Variants in SCN11A observed in about 807,000 individuals in gnomAD.
SCN11A encodes sodium channel protein type 11 subunit alpha.
SCN11A carries 122 observed loss-of-function variants against 162.2 expected under a neutral mutation model. The ratio of observed to expected loss-of-function variants is 0.75; its 90% CI spans 0.65 to 0.87. The LOEUF (loss-of-function observed/expected upper bound fraction) is 0.87, where lower values mean the gene tolerates loss of function less well. SCN11A is among the 40% of genes least tolerant of loss of function. The probability of loss-of-function intolerance (pLI) is 0.00; values close to 1 mark genes in which losing one functional copy is unlikely to be tolerated. For missense variants in SCN11A, 2,015 were observed against 2,181.6 expected (o/e 0.92, Z 1.52); for synonymous variants, 758 against 751.5 (o/e 1.01, Z -0.14).
At chr3:38,936,596 A>T (rs1031659276) in intron 7 of SCN11A, among the ~76,000 whole-genome samples, 1 of 150,942 alleles carries the variant, frequency 6.6e-6, no homozygotes, top group Non-Finnish European at 1.5e-5. Context: ...CAGAGAGCCA[A>T]ATCATGAGTG....
chr3:38,870,793 T>C (rs2065113743), intron 25 of SCN11A, 49 bp from the exon 26 acceptor site: 1 of 1,530,514 alleles, frequency 6.5e-7, no homozygotes, highest in Non-Finnish European at 9.1e-7. Flanking sequence ...AGACTTGCCA[T>C]CAACAGATAC....
chr3:38,927,925 C>T (rs2066170180), intron 7 of SCN11A, among the ~76,000 whole-genome samples: 1 of 152,096 alleles, frequency 6.6e-6, no homozygotes, highest in Non-Finnish European at 1.5e-5. Context: ...CAAGGTGGTA[C>T]TAGCATAAAG....
rs371438698 is a variant in SCN11A at position 38,903,921 on chromosome 3, T to C, written c.1786A>G (p.Met596Val). ...CTGGCCTCCATCTTGTGATGCTCCA[T>C]GGCCAAGAAGACAGTGTTGATGATG... ...CIIINTVFLAMEHHKMEASFE... is the reference protein window; with the variant it reads ...CIIINTVFLAVEHHKMEASFE... Residue 596 changes from methionine to valine, a missense_variant, in exon 16 of 30, where the codon ATG becomes GTG. By Grantham distance (21) the Met-to-Val change is conservative. Transcript: ENST00000302328. 1.2e-6 allele frequency: 2 copies of C among 1,613,884 alleles called. No homozygotes were observed. Among genetic ancestry groups the C allele is most frequent in the South Asian group, 1.1e-5 (1 of 91,036 alleles).
In SCN11A at chr3:38,885,291, T is replaced by C. The variant is rs1306874235; in HGVS notation, c.3061A>G (p.Lys1021Glu). ...PKKQPERCLP[K>E]GFGCCFPCCS... ...ATGCAGAAATACTGCCACTTACCTT[T>C]GGGCAAACATCTCTCTGGTTGCTTT... Residue 1021 changes from lysine (K) to glutamate (E), a missense_variant, in exon 21 of 30, where the codon AAA becomes GAA. Physicochemically the swap from Lys to Glu is moderately conservative, Grantham distance 56 (BLOSUM62 1). Coordinates refer to ENST00000302328, the MANE Select transcript of SCN11A (RefSeq NM_001349253.2). 6.3e-7 allele frequency: 1 copy of C among 1,586,580 alleles called. No homozygotes were observed. Among genetic ancestry groups the C allele is most frequent in the African/African-American group, 1.3e-5 (1 of 74,360 alleles).
intron 5 of SCN11A, among the ~76,000 whole-genome samples, chr3:38,949,715 G>T (rs2066572113): frequency 6.6e-6 from 1 of 152,154 alleles, no homozygotes; most frequent in Non-Finnish European, 1.5e-5. Flanking sequence ...CTATTATACA[G>T]ATTTTAAAAG....
intron 12 of SCN11A, 145 bp from the exon 13 acceptor site, chr3:38,909,339 C>G (rs529594403): frequency 1.5e-6 from 1 of 655,822 alleles, no homozygotes; most frequent in East Asian, 2.7e-5. Context: ...CATATAGCTT[C>G]CCTAATACTC....
intron 1 of SCN11A, among the ~76,000 whole-genome samples, chr3:39,044,132 A>G (rs1367663381): frequency 6.6e-6 from 1 of 152,222 alleles, no homozygotes; most frequent in Non-Finnish European, 1.5e-5. Context: ...AAAGGGATCA[A>G]TTCAGTAAAA....
At chr3:38,990,830 A>G (rs185232567) in intron 2 of SCN11A, among the ~76,000 whole-genome samples, 128 of 152,280 alleles carry the variant, frequency 8.4e-4, no homozygotes, top group African/African-American at 3.0e-3. Flanking sequence ...GTGGAGCCAG[A>G]AAGTCTGACT....
chr3:38,931,739 G>A (rs1409725119), intron 7 of SCN11A, among the ~76,000 whole-genome samples: 1 of 152,164 alleles, frequency 6.6e-6, no homozygotes, highest in Non-Finnish European at 1.5e-5. Context: ...CTCCCCACCA[G>A]AGGTACAAAC....
chr3:38,885,916 C>T (rs2065389928), intron 20 of SCN11A, among the ~76,000 whole-genome samples: 1 of 152,188 alleles, frequency 6.6e-6, no homozygotes, highest in South Asian at 2.1e-4. Flanking sequence ...AAACATCTTA[C>T]AATTCACAGA....
Position 38,872,250 on chromosome 3 carries a change from G to C in SCN11A, c.3438C>G (p.Phe1146Leu). ...GAGGCCTCAGTGCTCGTAGAGTCCGGAAGGACTTCAATTCCATTAAGTTAA... is the reference window on the plus strand; with the variant it reads ...GAGGCCTCAGTGCTCGTAGAGTCCGCAAGGACTTCAATTCCATTAAGTTAA... ...TLINLMELKSFRTLRALRPLR... is the reference protein window; with the variant it reads ...TLINLMELKSLRTLRALRPLR... The change falls in exon 24 of 30, where the codon TTC becomes TTG. Residue 1146 changes from phenylalanine (F) to leucine (L), a missense_variant. Coordinates refer to ENST00000302328, the MANE Select transcript of SCN11A (RefSeq NM_001349253.2). The C allele has an allele frequency of 1.9e-6, 3 of 1,610,412 alleles. No individual in the cohort carries two copies. Among genetic ancestry groups the C allele is most frequent in the Non-Finnish European group, 2.5e-6 (3 of 1,176,826 alleles).
Position 38,950,131 on chromosome 3 carries a change from G to A in SCN11A, c.232C>T (p.Leu78=). ...CGGTAGAATGGGTCCAAGTCTTCCA[G>A]AGGCTTTCCTATGAGCTCACGAGGA... ...DIPRELIGKP[L]EDLDPFYRNH... is the part of the protein sequence containing the mutation. Residue 78 remains leucine (L), a synonymous_variant, in exon 5 of 30, where the codon CTG becomes TTG. Coordinates refer to ENST00000302328, the MANE Select transcript of SCN11A (RefSeq NM_001349253.2). 2 of 1,590,944 alleles carry A rather than the reference G, an allele frequency of 1.3e-6. No individual in the cohort carries two copies. The highest frequency in any genetic ancestry group is 1.1e-5 in the South Asian group (1 of 90,516).
At chr3:38,984,513 A>G (rs1251781939) in intron 2 of SCN11A, among the ~76,000 whole-genome samples, 2 of 147,556 alleles carry the variant, frequency 1.4e-5, no homozygotes, top group African/African-American at 2.6e-5. Flanking sequence ...ATTTGTGCTG[A>G]GCTTTTTTTT....
At position 38,846,180 on chromosome 3, in the gene SCN11A, C is replaced by A. The variant is rs2064658429; in HGVS notation, c.*514G>T. 6.4e-6 allele frequency: 1 copy of A among 155,108 alleles called. No homozygotes were observed. Among genetic ancestry groups the A allele is most frequent in the East Asian group, 1.9e-4 (1 of 5,272 alleles). The allele number at this position is 155,108 out of a possible 1,614,324, so 9.6% of individuals were successfully genotyped here. A position where few individuals can be genotyped will look rare whatever the true frequency, so the allele number is the denominator to read the frequency against. On this transcript the variant is annotated 3_prime_UTR_variant, in exon 30 of 30. Coordinates refer to ENST00000302328, the MANE Select transcript of SCN11A (RefSeq NM_001349253.2). ...CCAGGCTGGAGTGCAGTGGCACGAT[C>A]TTGGCTCACTGCAACCTCCGTCTCC... is the stretch of plus-strand genomic sequence containing the variant.
At chr3:38,850,825 A>G (rs954702930) in intron 28 of SCN11A, 74 bp from the exon 29 acceptor site, 1 of 1,279,940 alleles carries the variant, frequency 7.8e-7, no homozygotes, top group Non-Finnish European at 1.1e-6. Flanking sequence ...GAACATAAAT[A>G]CAACAGAATT....
chr3:39,036,039 T>C (rs17498617), intron 1 of SCN11A, among the ~76,000 whole-genome samples: 15,810 of 152,290 alleles, frequency 0.1, 1,047 homozygotes, highest in East Asian at 0.22. Flanking sequence ...GTCACCACAT[T>C]GATGCCAAAT....
At chr3:38,885,997 A>C (rs1422948154) in intron 20 of SCN11A, 128 bp downstream of exon 20, 14 of 604,422 alleles carry the variant, frequency 2.3e-5, no homozygotes, top group Non-Finnish European at 3.9e-5. Flanking sequence ...CCTGGCCTAG[A>C]CTTTTGCTCA....
At chr3:39,015,471 A>C (rs781076087) in intron 2 of SCN11A, among the ~76,000 whole-genome samples, 1 of 152,228 alleles carries the variant, frequency 6.6e-6, no homozygotes, top group Non-Finnish European at 1.5e-5. Context: ...CCATAGGATG[A>C]TCATCTTGAA....
chr3:39,001,454 T>C (rs544331623), intron 2 of SCN11A, among the ~76,000 whole-genome samples: 15 of 152,394 alleles, frequency 9.8e-5, no homozygotes, highest in African/African-American at 3.4e-4. Context: ...TGTATCAGTA[T>C]GTCATTCCTT....
Sources: gnomAD v4.1 joint callset for allele counts (sites outside exome capture counted in the v4.1 genomes callset) on GRCh38, gnomAD v4.1.1 for gene constraint, MANE v1.5 for transcripts, NCBI Gene and HGNC (gene_info 2026-07-23, HGNC 2026-07-21) for gene names.